HTR7: variants seen among roughly 807,000 people sequenced by gnomAD.
The protein encoded by HTR7 is 5-hydroxytryptamine receptor 7, also known as 5-HT-7.
In HTR7, 16 loss-of-function variants were observed where a neutral mutation model predicts 34.0. The ratio of observed to expected loss-of-function variants is 0.47; its 90% CI spans 0.32 to 0.71. The LOEUF is 0.71. Among genes scored for constraint, HTR7 ranks in the 30% least tolerant of loss-of-function variants. HTR7 has a pLI of 0.04. For synonymous variants in HTR7, 265 were observed against 260.2 expected (o/e 1.02, Z -0.18); for missense variants, 504 against 625.5 (o/e 0.81, Z 2.07).
chr10:90,829,690 G>A (rs1846134770), intron 1 of HTR7, among the ~76,000 whole-genome samples: 1 of 152,176 alleles, frequency 6.6e-6, no homozygotes, highest in Non-Finnish European at 1.5e-5. Context: ...GTCCTTGTTT[G>A]CAGATGATAT....
intron 1 of HTR7, among the ~76,000 whole-genome samples, chr10:90,762,133 T>C (rs1330698003): frequency 3.3e-5 from 5 of 152,340 alleles, no homozygotes; most frequent in Middle Eastern, 6.8e-3. Flanking sequence ...TTCATTTCCT[T>C]TGGACATATA....
chr10:90,806,263 G>A lies in HTR7; in HGVS notation c.539+50870C>T, dbSNP rs185007484. ...GGGTAGGGAATGAGGAACCCTTGAC[G>A]GGGTCATCCATGGTATGGAGCTGCA... On this transcript the variant is annotated intron_variant, in intron 1 of 3. Coordinates refer to ENST00000336152, the MANE Select transcript of HTR7 (RefSeq NM_019859.4). 1.5e-3 allele frequency among the ~76,000 whole-genome samples: 226 copies of A among 152,306 alleles called. 1 individual carries two copies. The highest frequency in any genetic ancestry group is 6.8e-3 in the Middle Eastern group (2 of 294).
At chr10:90,786,933 A>T (rs1265104245) in intron 1 of HTR7, among the ~76,000 whole-genome samples, 2 of 152,220 alleles carry the variant, frequency 1.3e-5, no homozygotes, top group African/African-American at 2.4e-5. Context: ...CGTCTGCGTT[A>T]CTGCATTTTC....
chr10:90,793,267 AAAG>A (rs1432247021), intron 1 of HTR7, among the ~76,000 whole-genome samples: 1 of 152,094 alleles, frequency 6.6e-6, no homozygotes, highest in Non-Finnish European at 1.5e-5. Context: ...ACATTTCTGA[AAAG>A]AAGATACACA....
intron 1 of HTR7, among the ~76,000 whole-genome samples, chr10:90,774,959 T>C (rs1845182495): frequency 6.6e-6 from 1 of 152,216 alleles, no homozygotes; most frequent in African/African-American, 2.4e-5. Flanking sequence ...CTGAGTGGTT[T>C]AGTGAAACAT....
intron 1 of HTR7, among the ~76,000 whole-genome samples, chr10:90,813,383 A>G (rs77141476): frequency 0.061 from 9,326 of 152,166 alleles, 413 homozygotes; most frequent in East Asian, 0.17. Context: ...TTAGCCAAGC[A>G]TGGTAGCACA....
rs1845394194 is a variant in HTR7 at position 90,787,268 on chromosome 10, T to A, written c.540-37674A>T. On this transcript the variant is annotated intron_variant, in intron 1 of 3. Transcript: ENST00000336152. ...ACTTTGGGAGGCCAAGGTGGGTGGA[T>A]CACAAGGTCAGGAGTTCAAGACCAT... 2.0e-5 allele frequency among the ~76,000 whole-genome samples: 3 copies of A among 152,086 alleles called. No homozygotes were observed. In the South Asian group the frequency reaches 6.2e-4, roughly 32 times the overall value.
At chr10:90,844,113 C>A (rs550740220) in intron 1 of HTR7, among the ~76,000 whole-genome samples, 29 of 152,236 alleles carry the variant, frequency 1.9e-4, no homozygotes, top group African/African-American at 6.3e-4. Context: ...TTTGCCAACC[C>A]CTGATTTAGT....
At chr10:90,833,735 C>T (rs75780197) in intron 1 of HTR7, among the ~76,000 whole-genome samples, 2,214 of 152,172 alleles carry the variant, frequency 0.015, 28 homozygotes, top group Middle Eastern at 0.055. Flanking sequence ...TGAAGAGACA[C>T]AGGAAATGAT....
At chr10:90,780,535 T>TAA (rs1845292329) in intron 1 of HTR7, among the ~76,000 whole-genome samples, 1 of 102,772 alleles carries the variant, frequency 9.7e-6, no homozygotes, top group African/African-American at 4.5e-5. Context: ...AGACTCCATC[T>TAA]CAAAAAAAAA....
intron 1 of HTR7, among the ~76,000 whole-genome samples, chr10:90,850,098 A>C (rs1049985525): frequency 6.6e-6 from 1 of 152,248 alleles, no homozygotes; most frequent in African/African-American, 2.4e-5. Context: ...AGAGAGGCAA[A>C]AGTCAGAGGC....
chr10:90,774,980 A>G (rs1845183161), intron 1 of HTR7, among the ~76,000 whole-genome samples: 1 of 152,254 alleles, frequency 6.6e-6, no homozygotes, highest in African/African-American at 2.4e-5. Flanking sequence ...GACTGCGTGC[A>G]GCAGAGGGAC....
intron 1 of HTR7, among the ~76,000 whole-genome samples, chr10:90,772,281 T>C (rs138450484): frequency 4.7e-4 from 71 of 152,324 alleles, no homozygotes; most frequent in African/African-American, 1.7e-3. Context: ...GATGTTTTTC[T>C]TTTAAAATGG....
At chr10:90,761,098 C>A (rs1564672972) in intron 1 of HTR7, among the ~76,000 whole-genome samples, 1 of 152,052 alleles carries the variant, frequency 6.6e-6, no homozygotes, top group Non-Finnish European at 1.5e-5. Context: ...AACTTTCTAT[C>A]TACCTGTCAT....
At position 90,833,911 on chromosome 10, in the gene HTR7, T is replaced by C. The variant is rs1241224811; in HGVS notation, c.539+23222A>G. 4.6e-5 allele frequency among the ~76,000 whole-genome samples: 7 copies of C among 152,232 alleles called. No homozygotes were observed. In the South Asian group the frequency reaches 1.4e-3, roughly 31 times the overall value. On this transcript the variant is annotated intron_variant, in intron 1 of 3. Transcript: ENST00000336152. ...GTAATTTAGAAAAAGGAAACTTGGA[T>C]TATTATCAAAAGGCTTTATTTTGGC...
chr10:90,856,232 T>C (rs145976167), intron 1 of HTR7, among the ~76,000 whole-genome samples: 1 of 152,348 alleles, frequency 6.6e-6, no homozygotes, highest in East Asian at 1.9e-4. Context: ...AGGTCTCATA[T>C]TTCAGTTTCA....
intron 1 of HTR7, among the ~76,000 whole-genome samples, chr10:90,768,978 G>A (rs1256018496): frequency 6.6e-6 from 1 of 152,166 alleles, no homozygotes; most frequent in African/African-American, 2.4e-5. Flanking sequence ...AAACAGCACA[G>A]TACTGATGAT....
rs746452400 is a variant in HTR7 at position 90,749,786 on chromosome 10, C to T, written c.540-192G>A. Among the ~76,000 whole-genome samples the T allele has an allele frequency of 6.6e-6, 1 of 152,198 alleles. No individual in the cohort carries two copies. The highest frequency in any genetic ancestry group is 6.5e-5 in the Admixed American group (1 of 15,278). On this transcript the variant is annotated intron_variant, in intron 1 of 3. Coordinates refer to ENST00000336152, the MANE Select transcript of HTR7 (RefSeq NM_019859.4). The surrounding 1 kb of genome is among the most constrained non-coding windows in gnomAD (Gnocchi z 4.2). Reference sequence around the variant, plus strand: ...TATTTTATTCCGGGTCACACAGAGGCATTGCCAGATTGTAGCCTGAGAGCC... The same window carrying T: ...TATTTTATTCCGGGTCACACAGAGGTATTGCCAGATTGTAGCCTGAGAGCC...
At chr10:90,789,111 TAAGTTTC>T (rs1246592843) in intron 1 of HTR7, among the ~76,000 whole-genome samples, 1 of 152,236 alleles carries the variant, frequency 6.6e-6, no homozygotes, top group Non-Finnish European at 1.5e-5. Flanking sequence ...GGGACTTTCT[TAAGTTTC>T]TCAGTATATC....
Sources: gnomAD v4.1 joint callset for allele counts (sites outside exome capture counted in the v4.1 genomes callset) on GRCh38, gnomAD v4.1.1 for gene constraint, Gnocchi (gnomAD v3.1) non-coding constraint, MANE v1.5 for transcripts, NCBI Gene and HGNC (gene_info 2026-07-23, HGNC 2026-07-21) for gene names.